Variants in KCNQ5 observed in about 807,000 individuals in gnomAD.
KCNQ5 encodes potassium voltage-gated channel subfamily Q member 5, also known as potassium voltage-gated channel subfamily KQT member 5.
In KCNQ5, 30 loss-of-function variants were observed where a neutral mutation model predicts 98.2. The observed-to-expected ratio is 0.31, with a 90% confidence interval of 0.23 to 0.41. KCNQ5 has a LOEUF of 0.41. Ranked by LOEUF, KCNQ5 falls within the 10% of genes least tolerant of loss-of-function variation. KCNQ5 has a pLI of 1.00. For synonymous variants in KCNQ5, 458 were observed against 449.4 expected, an observed-to-expected ratio of 1.02 and a Z score of -0.24; for missense variants, 835 against 1,182.5, an observed-to-expected ratio of 0.71 and a Z score of 4.31.
intron 1 of KCNQ5, among the ~76,000 whole-genome samples, chr6:72,733,684 T>TG (rs1217633710): frequency 6.6e-6 from 1 of 152,110 alleles, no homozygotes; most frequent in Non-Finnish European, 1.5e-5. Context: ...GAACCTCCAG[T>TG]GTAAGAGGAA....
intron 1 of KCNQ5, among the ~76,000 whole-genome samples, chr6:72,932,937 T>C (rs1765754329): frequency 6.6e-6 from 1 of 152,240 alleles, no homozygotes; most frequent in Admixed American, 6.5e-5. Flanking sequence ...AAAATGTTTC[T>C]TGAAAATTCA....
At position 72,828,820 on chromosome 6, in the gene KCNQ5, A is replaced by G. The variant is rs562104300; in HGVS notation, c.399-175088A>G. Among the ~76,000 whole-genome samples the G allele has an allele frequency of 3.0e-3, 457 of 152,210 alleles. 5 individuals are homozygous for G. The highest frequency in any genetic ancestry group is 3.4e-3 in the Middle Eastern group (1 of 294). On this transcript the variant is annotated intron_variant, in intron 1 of 13. Transcript: ENST00000370398. ...AGTACTTCCAGTACTATGTTGAATAAAAGTGGTGAGAGTGGGCAGCCTTCC... is the reference window on the plus strand; with the variant it reads ...AGTACTTCCAGTACTATGTTGAATAGAAGTGGTGAGAGTGGGCAGCCTTCC...
intron 1 of KCNQ5, among the ~76,000 whole-genome samples, chr6:72,720,628 A>ATGC (rs756704776): frequency 6.6e-6 from 1 of 152,250 alleles, no homozygotes; most frequent in Non-Finnish European, 1.5e-5. Flanking sequence ...TGAGGAATCC[A>ATGC]TGCTATCATC....
chr6:73,063,733 A>AGAT lies in KCNQ5; in HGVS notation c.617-13588_617-13586dup, dbSNP rs1446984446. On this transcript the variant is annotated intron_variant, in intron 3 of 13. Coordinates refer to ENST00000370398, the MANE Select transcript of KCNQ5 (RefSeq NM_019842.4). ...ATAGATAGATAGATGATAGATAGATAGATAGATAGATAGATAGATAGATAG... is the reference window on the plus strand; with the variant it reads ...ATAGATAGATAGATGATAGATAGATAGATGATAGATAGATAGATAGATAGATAG... 5.9e-4 allele frequency among the ~76,000 whole-genome samples: 66 copies of AGAT among 111,194 alleles called. 1 individual carries two copies. The highest frequency in any genetic ancestry group is 2.1e-3 in the Admixed American group (24 of 11,366). The allele number at this position is 111,194 out of a possible 152,430, so 72.9% of individuals were successfully genotyped here. A position where few individuals can be genotyped will look rare whatever the true frequency, so the allele number is the denominator to read the frequency against.
chr6:72,732,242 G>A (rs533159680), intron 1 of KCNQ5, among the ~76,000 whole-genome samples: 2 of 152,244 alleles, frequency 1.3e-5, no homozygotes, highest in African/African-American at 4.8e-5. Flanking sequence ...TGATCTGACA[G>A]AGGTGAGCTC....
intron 1 of KCNQ5, among the ~76,000 whole-genome samples, chr6:72,939,641 C>A (rs758712156): frequency 6.6e-6 from 1 of 152,166 alleles, no homozygotes; most frequent in Non-Finnish European, 1.5e-5. Context: ...ATGTATGCTT[C>A]CGCACTGATT....
At chr6:72,996,021 AG>A (rs1769282942) in intron 1 of KCNQ5, among the ~76,000 whole-genome samples, 1 of 152,248 alleles carries the variant, frequency 6.6e-6, no homozygotes, top group Non-Finnish European at 1.5e-5. Flanking sequence ...ATGCGGTACA[AG>A]TGGATAAAAA....
chr6:72,683,026 T>G (rs1767781126), intron 1 of KCNQ5, among the ~76,000 whole-genome samples: 1 of 152,176 alleles, frequency 6.6e-6, no homozygotes, highest in African/African-American at 2.4e-5. Flanking sequence ...ATACGTGATT[T>G]TTTAACTCAG....
intron 1 of KCNQ5, among the ~76,000 whole-genome samples, chr6:72,907,965 A>G (rs1779770471): frequency 6.6e-6 from 1 of 152,118 alleles, no homozygotes; most frequent in Non-Finnish European, 1.5e-5. Flanking sequence ...CTGTGACATC[A>G]GTGGAGATAC....
At chr6:72,778,037 C>T (rs1198242297) in intron 1 of KCNQ5, among the ~76,000 whole-genome samples, 3 of 152,130 alleles carry the variant, frequency 2.0e-5, no homozygotes, top group East Asian at 1.9e-4. Context: ...TCAAAGGTCA[C>T]GGTAAGAGAA....
In KCNQ5 at chr6:72,895,058, C is replaced by G. The variant is rs142773393; in HGVS notation, c.399-108850C>G. Among the ~76,000 whole-genome samples the G allele has an allele frequency of 9.7e-3, 1,399 of 144,644 alleles. 27 individuals carry two copies. Among genetic ancestry groups the G allele is most frequent in the African/African-American group, 0.034 (1,289 of 38,434 alleles). The allele number at this position is 144,644 out of a possible 152,430, so 94.9% of individuals were successfully genotyped here. A position where few individuals can be genotyped will look rare whatever the true frequency, so the allele number is the denominator to read the frequency against. On this transcript the variant is annotated intron_variant, in intron 1 of 13. Transcript: ENST00000370398. ...CTTTGGGAGGCCGAGATGGGCGGAT[C>G]ACGAGGTCAGGAGATCGAGACCATC...
intron 1 of KCNQ5, among the ~76,000 whole-genome samples, chr6:72,887,342 C>T (rs1019814141): frequency 6.6e-6 from 1 of 152,024 alleles, no homozygotes; most frequent in Non-Finnish European, 1.5e-5. Context: ...TGAAAACCAT[C>T]AGGTCTCATG....
In KCNQ5 at chr6:72,962,412, T is replaced by C. The variant is rs1767420793; in HGVS notation, c.399-41496T>C. 2.0e-5 allele frequency among the ~76,000 whole-genome samples: 3 copies of C among 151,478 alleles called. No homozygotes were observed. The South Asian group carries it at 6.3e-4, about 32-fold the overall frequency. On this transcript the variant is annotated intron_variant, in intron 1 of 13. Transcript: ENST00000370398. Reference sequence around the variant, plus strand: ...AGCACAACATACATTACTCAAGTGATGGGTGCACTAAAATCCCAGACTTCA... The same window carrying C: ...AGCACAACATACATTACTCAAGTGACGGGTGCACTAAAATCCCAGACTTCA...
chr6:72,922,810 C>CTTTTTCTTT (rs1554186016), intron 1 of KCNQ5, among the ~76,000 whole-genome samples: 51 of 103,852 alleles, frequency 4.9e-4, no homozygotes, highest in Non-Finnish European at 7.1e-4. Context: ...TTTTCTTTTT[C>CTTTTTCTTT]TTTTTTTTTT....
At chr6:72,821,904 T>C (rs1354826795) in intron 1 of KCNQ5, among the ~76,000 whole-genome samples, 1 of 152,042 alleles carries the variant, frequency 6.6e-6, no homozygotes, top group Non-Finnish European at 1.5e-5. Context: ...TGCTTCTTAT[T>C]GCCTAATGAA....
At chr6:72,681,147 G>A (rs369066841) in intron 1 of KCNQ5, among the ~76,000 whole-genome samples, 7 of 152,188 alleles carry the variant, frequency 4.6e-5, no homozygotes, top group Non-Finnish European at 7.3e-5. Context: ...TATAGAGCAC[G>A]CAGATCCTGC....
rs75353146 is a variant in KCNQ5, at chr6:73,089,295, A to G, written c.918+11408A>G. ...CATTCTATGAATAAAGATGAACAGAATAAGGATTTAGGAAACAGTTGGTAG... is the reference window on the plus strand; with the variant it reads ...CATTCTATGAATAAAGATGAACAGAGTAAGGATTTAGGAAACAGTTGGTAG... On this transcript the variant is annotated intron_variant, in intron 5 of 13. Transcript: ENST00000370398. Among the ~76,000 whole-genome samples, 195 of 152,286 alleles carry G rather than the reference A, an allele frequency of 1.3e-3. 2 individuals carry two copies. In the East Asian group the frequency reaches 0.031, roughly 24 times the overall value.
chr6:72,936,917 G>C (rs1352279212), intron 1 of KCNQ5, among the ~76,000 whole-genome samples: 1 of 152,060 alleles, frequency 6.6e-6, no homozygotes, highest in Non-Finnish European at 1.5e-5. Context: ...CTTGTTCATG[G>C]ATTTGCTTGT....
rs142961340 is a variant in KCNQ5, at chr6:72,752,041, C to T, written c.398+129454C>T. 4.6e-3 allele frequency among the ~76,000 whole-genome samples: 700 copies of T among 152,192 alleles called. 7 individuals are homozygous for T. Among genetic ancestry groups the T allele is most frequent in the African/African-American group, 0.014 (595 of 41,546 alleles). On this transcript the variant is annotated intron_variant, in intron 1 of 13. Coordinates refer to ENST00000370398, the MANE Select transcript of KCNQ5 (RefSeq NM_019842.4). ...ATTTGGTTTTTGCTATACTACCATA[C>T]ATTGCTTCACGTTGGGGGTAAGCTA...
Sources: allele counts gnomAD v4.1 joint callset (sites outside exome capture counted in the v4.1 genomes callset), GRCh38; gene constraint gnomAD v4.1.1; transcripts MANE v1.5; gene names NCBI Gene and HGNC (gene_info 2026-07-23, HGNC 2026-07-21).